The following EXTL1 variants were observed in gnomAD, a reference collection of about 807,000 sequenced individuals.
EXTL1 encodes exostosin like glycosyltransferase 1.
A neutral mutation model predicts 64.6 loss-of-function variants in EXTL1; 43 were observed. The observed-to-expected ratio is 0.67, with a 90% CI of 0.52 to 0.86. The LOEUF is 0.86. Ranked by LOEUF, EXTL1 falls within the 40% of genes least tolerant of loss-of-function variation. The pLI, the probability that EXTL1 is intolerant of heterozygous loss-of-function variation, is 0.00. For synonymous variants in EXTL1, 352 were observed against 360.5 expected, an observed-to-expected ratio of 0.98 and a Z score of 0.27; for missense variants, 766 against 879.0, an observed-to-expected ratio of 0.87 and a Z score of 1.62.
rs1235886734 is a variant in EXTL1, at chr1:26,033,354, C to CA, written c.1518+40dup. ...CCAAGAGAAGCCCAGTGTGGGTAGACACAGAGCCAGAGGGCCCTGGCAGCC... is the reference window on the plus strand; with the variant it reads ...CCAAGAGAAGCCCAGTGTGGGTAGACAACAGAGCCAGAGGGCCCTGGCAGCC... On this transcript the variant is annotated intron_variant, in intron 8 of 10. Coordinates refer to ENST00000374280, the MANE Select transcript of EXTL1 (RefSeq NM_004455.3). The surrounding 1 kb of genome is among the most constrained non-coding windows in gnomAD (Gnocchi z 5.1). 6.4e-7 allele frequency: 1 copy of CA among 1,564,414 alleles called. No homozygotes were observed.
chr1:26,023,861 C>A (rs2050184264), intron 1 of EXTL1, among the ~76,000 whole-genome samples: 1 of 152,150 alleles, frequency 6.6e-6, no homozygotes, highest in Non-Finnish European at 1.5e-5. Flanking sequence ...TCTCAGGCCA[C>A]CCAGCCGGAA....
chr1:26,032,150 C>T (rs1425984221), intron 6 of EXTL1: 3 of 470,436 alleles, frequency 6.4e-6, no homozygotes, highest in Non-Finnish European at 3.8e-6. Flanking sequence ...CCACAGACAA[C>T]TCTCTTGAGT....
rs1362804204 is a variant in EXTL1, at chr1:26,031,497, G to A, written c.1272G>A (p.Trp424Ter). 1.3e-6 allele frequency: 2 copies of A among 1,598,600 alleles called. No individual in the cohort carries two copies. The highest frequency in any genetic ancestry group is 8.5e-7 in the Non-Finnish European group (1 of 1,172,822). ...AGGGCAGATTCAGCGCCCTGATCTG[G>A]GTGGGGCCCCCAGGCCAGCCCCCTC... ...RPEGRFSALI[W>*]VGPPGQPPLK... The change falls in exon 6 of 11, where the codon TGG becomes TGA. Residue 424 changes from tryptophan to a stop codon, truncating the protein, a stop_gained. Coordinates refer to ENST00000374280, the MANE Select transcript of EXTL1 (RefSeq NM_004455.3). LOFTEE classifies it high-confidence loss of function.
Position 26,029,228 on chromosome 1 carries a change from T to C in EXTL1, c.815T>C (p.Phe272Ser), listed in dbSNP as rs1346523164. 1.2e-6 allele frequency: 2 copies of C among 1,613,860 alleles called. No homozygotes were observed. Among genetic ancestry groups the C allele is most frequent in the Admixed American group, 1.7e-5 (1 of 60,008 alleles). The change falls in exon 2 of 11, where the codon TTC (phenylalanine) becomes TCC (serine). Residue 272 changes from phenylalanine (F) to serine (S), a missense_variant. Transcript: ENST00000374280. ...QRQETLPNAT[F>S]CLISGHRPEA... ...CAGGAGACGCTGCCCAATGCCACCT[T>C]CTGCCTCATCTCTGGCCACCGTCCC... is the stretch of plus-strand genomic sequence containing the variant.
Position 26,022,781 on chromosome 1 carries a change from C to T in EXTL1, c.135C>T (p.Gly45=). The change falls in exon 1 of 11, where the codon GGC becomes GGT. Residue 45 remains glycine, a synonymous_variant. Coordinates refer to ENST00000374280, the MANE Select transcript of EXTL1 (RefSeq NM_004455.3). The part of the protein sequence containing the change: ...PPRPRPGASQ[G]WPRWLDAELL... ...GACCTCGGCCCGGGGCTTCCCAAGG[C>T]TGGCCCCGCTGGCTGGATGCAGAGC... 1 of 1,614,076 alleles carries T rather than the reference C, an allele frequency of 6.2e-7. No homozygotes were observed. Among genetic ancestry groups the T allele is most frequent in the Non-Finnish European group, 8.5e-7 (1 of 1,179,986 alleles).
chr1:26,031,472 A>G lies in EXTL1; in HGVS notation c.1247A>G (p.Glu416Gly). 6.3e-7 allele frequency: 1 copy of G among 1,580,380 alleles called. No homozygotes were observed. Among genetic ancestry groups the G allele is most frequent in the Non-Finnish European group, 8.6e-7 (1 of 1,161,740 alleles). ...FYYLQQGSRPEGRFSALIWVG... is the reference protein window; with the variant it reads ...FYYLQQGSRPGGRFSALIWVG... ...CTCATTCCCCCAGGCTCCCGCCCTG[A>G]GGGCAGATTCAGCGCCCTGATCTGG... The change falls in exon 6 of 11, where the codon GAG (glutamate) becomes GGG (glycine). Residue 416 changes from glutamate (E) to glycine (G), a missense_variant. Transcript: ENST00000374280.
rs1462790951 is a variant in EXTL1 at position 26,022,971 on chromosome 1, G to A, written c.325G>A (p.Glu109Lys). The change falls in exon 1 of 11, where the codon GAG (glutamate) becomes AAG (lysine). Residue 109 changes from glutamate to lysine, a missense_variant. Physicochemically the swap from Glu to Lys is moderately conservative, Grantham distance 56 (BLOSUM62 1). This residue lies in a region of EXTL1 where 571 missense variants were observed against 647.6 expected (regional missense o/e 0.88). Coordinates refer to ENST00000374280, the MANE Select transcript of EXTL1 (RefSeq NM_004455.3). ...FVYPAVGTIS[E>K]THRRILASIE... ...GTACCCAGCGGTTGGAACCATCTCT[G>A]AGACTCATCGCAGGATCCTGGCTTC... is the stretch of plus-strand genomic sequence containing the variant. The A allele has an allele frequency of 6.2e-7, 1 of 1,614,188 alleles. No individual in the cohort carries two copies. Among genetic ancestry groups the A allele is most frequent in the Admixed American group, 1.7e-5 (1 of 60,020 alleles).
chr1:26,033,203 G>A lies in EXTL1; in HGVS notation c.1432-26G>A. On this transcript the variant is annotated intron_variant, in intron 7 of 10. Coordinates refer to ENST00000374280, the MANE Select transcript of EXTL1 (RefSeq NM_004455.3). This position sits in a 1 kb window ranked among gnomAD's most constrained non-coding sequence, Gnocchi z 5.1. Reference sequence around the variant, plus strand: ...GGGTGGGGGGAATGTTCCAATGGCTGAGTTCCCCTCCCCCACTCCCTGCAG... The same window carrying A: ...GGGTGGGGGGAATGTTCCAATGGCTAAGTTCCCCTCCCCCACTCCCTGCAG... 2.0e-6 allele frequency: 3 copies of A among 1,531,574 alleles called. No individual in the cohort carries two copies. The allele number at this position is 1,531,574 out of a possible 1,614,324, so 94.9% of individuals were successfully genotyped here.
At chr1:26,024,009 G>A (rs962064619) in intron 1 of EXTL1, among the ~76,000 whole-genome samples, 6 of 152,112 alleles carry the variant, frequency 3.9e-5, no homozygotes, top group African/African-American at 7.2e-5. Context: ...AGCTGCTCCC[G>A]TGTCTAATTT....
In EXTL1 at chr1:26,036,136, G is replaced by A. The variant is rs923500083; in HGVS notation, c.*789G>A. 1.3e-5 allele frequency: 2 copies of A among 152,674 alleles called. No individual in the cohort carries two copies. Among genetic ancestry groups the A allele is most frequent in the African/African-American group, 2.4e-5 (1 of 41,462 alleles). 9.5% of individuals were successfully genotyped at this position (152,674 alleles called of 1,614,324 possible). A position where few individuals can be genotyped will look rare whatever the true frequency, so the allele number is the denominator to read the frequency against. On this transcript the variant is annotated 3_prime_UTR_variant, in exon 11 of 11. Coordinates refer to ENST00000374280, the MANE Select transcript of EXTL1 (RefSeq NM_004455.3). This position sits in a 1 kb window ranked among gnomAD's most constrained non-coding sequence, Gnocchi z 5.2. ...CCTGCACTACCAAGGCCGACCACTA[G>A]AGGTCAGCGTCGCGCCGCACTCTTC...
At chr1:26,029,960 C>A (rs1373463546) in intron 3 of EXTL1, among the ~76,000 whole-genome samples, 1 of 152,176 alleles carries the variant, frequency 6.6e-6, no homozygotes, top group South Asian at 2.1e-4. Flanking sequence ...ATAGGATGAG[C>A]TAGACCAGAC....
At chr1:26,030,633 C>A in intron 4 of EXTL1, 38 bp downstream of exon 4, 1 of 1,583,198 alleles carries the variant, frequency 6.3e-7, no homozygotes, top group Non-Finnish European at 8.6e-7. Context: ...TGGCTCTTGA[C>A]TCCTGCTTCA....
At position 26,035,341 on chromosome 1, in the gene EXTL1, GCC is replaced by G; in HGVS notation, c.2027_2028del (p.Pro676LeufsTer72). 6.2e-7 allele frequency: 1 copy of G among 1,602,616 alleles called. No homozygotes were observed. The highest frequency in any genetic ancestry group is 8.5e-7 in the Non-Finnish European group (1 of 1,172,374). ...QRKKYRSLEK[P>X] ...GCAAGAAGTACCGCAGCCTGGAGAA[GCC>G]CTAGGGGGGCGACCCGCGGAGACCC... is the stretch of plus-strand genomic sequence containing the variant. On this transcript the variant is annotated frameshift_variant, in exon 11 of 11. Coordinates refer to ENST00000374280, the MANE Select transcript of EXTL1 (RefSeq NM_004455.3). LOFTEE classifies it high-confidence loss of function. This position sits in a 1 kb window ranked among gnomAD's most constrained non-coding sequence, Gnocchi z 5.3.
chr1:26,030,465 C>T lies in EXTL1; in HGVS notation c.982-11C>T. 1 of 1,606,280 alleles carries T rather than the reference C, an allele frequency of 6.2e-7. No individual in the cohort carries two copies. The highest frequency in any genetic ancestry group is 8.5e-7 in the Non-Finnish European group (1 of 1,175,166). ...TCTATTACCTGGCACTTTTCTCCCTCTCTGCTCCAGGTCCTGGCTGCCCTC... is the reference window on the plus strand; with the variant it reads ...TCTATTACCTGGCACTTTTCTCCCTTTCTGCTCCAGGTCCTGGCTGCCCTC... On this transcript the variant is annotated splice_polypyrimidine_tract_variant and intron_variant, in intron 3 of 10. Coordinates refer to ENST00000374280, the MANE Select transcript of EXTL1 (RefSeq NM_004455.3).
chr1:26,030,336 T>C, intron 3 of EXTL1, 140 bp from the exon 4 acceptor site: 1 of 606,154 alleles, frequency 1.6e-6, no homozygotes, highest in Non-Finnish European at 2.5e-6. Context: ...GCTTCTTTTT[T>C]TTTTTTTTTT....
At position 26,032,382 on chromosome 1, in the gene EXTL1, C is replaced by G. The variant is rs200995042; in HGVS notation, c.1342-14C>G. The G allele has an allele frequency of 6.5e-7, 1 of 1,546,654 alleles. No individual in the cohort carries two copies. The highest frequency in any genetic ancestry group is 1.4e-5 in the African/African-American group (1 of 73,124). On this transcript the variant is annotated splice_polypyrimidine_tract_variant and intron_variant, in intron 6 of 10. Coordinates refer to ENST00000374280, the MANE Select transcript of EXTL1 (RefSeq NM_004455.3). ...CCAGATCCCAGACTTCAAGAACAAC[C>G]CCCTATCCTCTAGATCTTGGTTCTC...
At chr1:26,024,148 G>A (rs1295946892) in intron 1 of EXTL1, among the ~76,000 whole-genome samples, 2 of 152,184 alleles carry the variant, frequency 1.3e-5, no homozygotes, top group Non-Finnish European at 2.9e-5. Context: ...GGGATGTGGT[G>A]AGCTTGTACA....
rs1486789858 is a variant in EXTL1, at chr1:26,035,540, G to C, written c.*193G>C. On this transcript the variant is annotated 3_prime_UTR_variant, in exon 11 of 11. Coordinates refer to ENST00000374280, the MANE Select transcript of EXTL1 (RefSeq NM_004455.3). The surrounding 1 kb of genome is among the most constrained non-coding windows in gnomAD (Gnocchi z 5.3). ...CCTTCTCCTGCTCGCCCTCAGCCGCGGAGCCTCTGCGGAGGCTGAGCCCCG... is the reference window on the plus strand; with the variant it reads ...CCTTCTCCTGCTCGCCCTCAGCCGCCGAGCCTCTGCGGAGGCTGAGCCCCG... 1.1e-5 allele frequency: 5 copies of C among 473,838 alleles called. No individual in the cohort carries two copies. Among genetic ancestry groups the C allele is most frequent in the South Asian group, 4.8e-5 (1 of 20,752 alleles). The allele number at this position is 473,838 out of a possible 1,614,324, so 29.4% of individuals were successfully genotyped here. A position where few individuals can be genotyped will look rare whatever the true frequency, so the allele number is the denominator to read the frequency against.
chr1:26,028,315 T>C (rs954573282), intron 1 of EXTL1, among the ~76,000 whole-genome samples: 2 of 152,178 alleles, frequency 1.3e-5, no homozygotes, highest in Admixed American at 6.5e-5. Context: ...TCCCCATCTG[T>C]TCAATGGGGC....
Sources: allele counts gnomAD v4.1 joint callset (sites outside exome capture counted in the v4.1 genomes callset), GRCh38; gene constraint gnomAD v4.1.1; regional missense constraint gnomAD v4.1.1; non-coding constraint Gnocchi (gnomAD v3.1); transcripts MANE v1.5; gene names NCBI Gene and HGNC (gene_info 2026-07-23, HGNC 2026-07-21).